The following PARM1 variants were observed in gnomAD, a reference collection of about 807,000 sequenced individuals.
The protein encoded by PARM1 is prostate androgen-regulated mucin-like protein 1, also known as WSC4, cell wall integrity and stress response component 4 homolog.
In PARM1, 14 loss-of-function variants were observed where a neutral mutation model predicts 24.6. The observed-to-expected ratio is 0.57, with a 90% CI of 0.38 to 0.89. The LOEUF (loss-of-function observed/expected upper bound fraction) is 0.89, where lower values mean the gene tolerates loss of function less well. Ranked by LOEUF, PARM1 falls within the 40% of genes least tolerant of loss-of-function variation. The probability of loss-of-function intolerance (pLI) is 0.00; values close to 1 mark genes in which losing one functional copy is unlikely to be tolerated. For synonymous variants in PARM1, 179 were observed against 156.6 expected, an observed-to-expected ratio of 1.14 and a Z score of -1.07; for missense variants, 362 against 380.4, an observed-to-expected ratio of 0.95 and a Z score of 0.40.
chr4:74,972,184 G>C (rs903136233), intron 1 of PARM1, among the ~76,000 whole-genome samples: 3 of 152,226 alleles, frequency 2.0e-5, no homozygotes, highest in Non-Finnish European at 4.4e-5. Flanking sequence ...AGGGACAGAA[G>C]GAGCATGAGC....
At chr4:74,941,977 C>G (rs933613962) in intron 1 of PARM1, among the ~76,000 whole-genome samples, 16 of 152,290 alleles carry the variant, frequency 1.1e-4, no homozygotes, top group Middle Eastern at 3.4e-3. Flanking sequence ...GGTGTGCTAA[C>G]AGAGGCTTTA....
chr4:74,999,543 A>G (rs935009034), intron 1 of PARM1, among the ~76,000 whole-genome samples: 10 of 152,202 alleles, frequency 6.6e-5, no homozygotes, highest in Non-Finnish European at 1.5e-4. Context: ...AATAAAACAA[A>G]TGTATATGTT....
intron 1 of PARM1, among the ~76,000 whole-genome samples, chr4:74,953,136 G>A: frequency 6.6e-6 from 1 of 152,242 alleles, no homozygotes; most frequent in Non-Finnish European, 1.5e-5. Context: ...ATTTGGCTCT[G>A]TAGCTACCTA....
intron 1 of PARM1, among the ~76,000 whole-genome samples, chr4:74,986,041 A>G (rs907005095): frequency 6.6e-6 from 1 of 152,346 alleles, no homozygotes; most frequent in East Asian, 1.9e-4. Flanking sequence ...TGCTGGGATT[A>G]CAGGCATGAG....
chr4:74,949,146 G>A (rs1228433750), intron 1 of PARM1, among the ~76,000 whole-genome samples: 4 of 152,178 alleles, frequency 2.6e-5, no homozygotes, highest in Non-Finnish European at 5.9e-5. Flanking sequence ...CTCCAGACAA[G>A]TGAATGCAAT....
At chr4:74,934,775 AG>A (rs1363845526) in intron 1 of PARM1, among the ~76,000 whole-genome samples, 1 of 152,220 alleles carries the variant, frequency 6.6e-6, no homozygotes, top group African/African-American at 2.4e-5. Flanking sequence ...ATGACACGGA[AG>A]GTACCTTTAC....
intron 1 of PARM1, among the ~76,000 whole-genome samples, chr4:74,954,973 G>A (rs1351148173): frequency 6.6e-6 from 1 of 152,154 alleles, no homozygotes; most frequent in Non-Finnish European, 1.5e-5. Context: ...TTAGGCTTAA[G>A]CCATGGTGGA....
intron 3 of PARM1, among the ~76,000 whole-genome samples, chr4:75,045,929 A>G (rs1723592325): frequency 6.6e-6 from 1 of 152,196 alleles, no homozygotes; most frequent in South Asian, 2.1e-4. Context: ...ACAAGGACTC[A>G]GATGATGCCA....
chr4:74,965,140 C>T (rs1721871974), intron 1 of PARM1: 1 of 152,168 alleles, frequency 6.6e-6, no homozygotes, highest in Non-Finnish European at 1.5e-5. Flanking sequence ...GGATGAGGGG[C>T]ATTGTTCTGA....
At chr4:74,954,090 TATCCACA>T (rs1306830927) in intron 1 of PARM1, among the ~76,000 whole-genome samples, 1 of 152,204 alleles carries the variant, frequency 6.6e-6, no homozygotes, top group East Asian at 1.9e-4. Context: ...TAAGGCTCAA[TATCCACA>T]GTAAATTATT....
intron 2 of PARM1, among the ~76,000 whole-genome samples, chr4:75,022,410 C>T (rs1723103788): frequency 6.6e-6 from 1 of 152,126 alleles, no homozygotes; most frequent in Admixed American, 6.5e-5. Context: ...TCTTAATCTG[C>T]TTTTGAAATG....
intron 1 of PARM1, among the ~76,000 whole-genome samples, chr4:74,962,000 A>T (rs956636038): frequency 6.6e-6 from 1 of 152,190 alleles, no homozygotes; most frequent in African/African-American, 2.4e-5. Flanking sequence ...GCTTATTTTT[A>T]AAACTATTAT....
intron 2 of PARM1, among the ~76,000 whole-genome samples, chr4:75,021,540 C>T (rs887058439): frequency 6.6e-6 from 1 of 151,576 alleles, no homozygotes; most frequent in Non-Finnish European, 1.5e-5. Flanking sequence ...GTTTGTTGTA[C>T]AGATTATTTT....
Position 75,046,228 on chromosome 4 carries a change from C to G in PARM1, c.914C>G (p.Pro305Arg), listed in dbSNP as rs531621229. ...DYGSWGNYNN[P>R]LYDDS ...GGGTCCTGGGGAAACTACAACAACC[C>G]TCTGTACGATGACTCCTAACAATGG... The change falls in exon 4 of 4, where the codon CCT (proline) becomes CGT (arginine). Residue 305 changes from proline (P) to arginine (R), a missense_variant. By Grantham distance (103) the Pro-to-Arg change is moderately radical. Coordinates refer to ENST00000307428, the MANE Select transcript of PARM1 (RefSeq NM_015393.4). The G allele has an allele frequency of 3.7e-6, 6 of 1,610,244 alleles. No individual in the cohort carries two copies. Among genetic ancestry groups the G allele is most frequent in the Middle Eastern group, 1.7e-4 (1 of 6,052 alleles).
intron 1 of PARM1, among the ~76,000 whole-genome samples, chr4:75,000,352 C>T (rs553241078): frequency 1.1e-4 from 17 of 152,142 alleles, no homozygotes; most frequent in Non-Finnish European, 1.9e-4. Flanking sequence ...CCTTAGCTCA[C>T]AAGGTATATA....
intron 1 of PARM1, among the ~76,000 whole-genome samples, chr4:74,939,220 A>T (rs2109979617): frequency 6.6e-6 from 1 of 152,118 alleles, no homozygotes; most frequent in East Asian, 1.9e-4. Context: ...GGCTTTAGTT[A>T]CCCTGCACCA....
At chr4:74,986,969 A>G (rs767618339) in intron 1 of PARM1, among the ~76,000 whole-genome samples, 1 of 152,056 alleles carries the variant, frequency 6.6e-6, no homozygotes, top group South Asian at 2.1e-4. Flanking sequence ...ACTTTCATTA[A>G]TCTCTCTTTG....
chr4:74,942,719 G>A (rs948352428), intron 1 of PARM1, among the ~76,000 whole-genome samples: 2 of 152,198 alleles, frequency 1.3e-5, no homozygotes, highest in African/African-American at 4.8e-5. Flanking sequence ...AGCCACTACT[G>A]TCTTTCTCTA....
At chr4:74,977,768 C>G (rs1167975916) in intron 1 of PARM1, among the ~76,000 whole-genome samples, 1 of 152,126 alleles carries the variant, frequency 6.6e-6, no homozygotes. Context: ...CAGCAAACCT[C>G]TCAGTGGAAA....
Sources: gnomAD v4.1 joint callset for allele counts (sites outside exome capture counted in the v4.1 genomes callset) on GRCh38, gnomAD v4.1.1 for gene constraint, MANE v1.5 for transcripts, NCBI Gene and HGNC (gene_info 2026-07-23, HGNC 2026-07-21) for gene names.